The following CIAO2A variants were observed in gnomAD, a reference collection of about 807,000 sequenced individuals.
CIAO2A encodes MIP18 family protein FAM96A.
A neutral mutation model predicts 22.4 loss-of-function variants in CIAO2A; 17 were observed. That is an observed-to-expected ratio of 0.76 (90% CI 0.52 to 1.14). CIAO2A has a LOEUF of 1.14. Among genes scored for constraint, CIAO2A ranks in the 50% most tolerant of loss-of-function variants. The probability of loss-of-function intolerance (pLI) is 0.00; values close to 1 mark genes in which losing one functional copy is unlikely to be tolerated. For synonymous variants in CIAO2A, 74 were observed against 72.3 expected, an observed-to-expected ratio of 1.02 and a Z score of -0.12; for missense variants, 192 against 191.4, an observed-to-expected ratio of 1.00 and a Z score of -0.02.
intron 1 of CIAO2A, among the ~76,000 whole-genome samples, chr15:64,089,541 A>G (rs2080823347): frequency 6.6e-6 from 1 of 152,004 alleles, no homozygotes; most frequent in Non-Finnish European, 1.5e-5. Flanking sequence ...AGGAAAGTAA[A>G]GTAAAGAAGA....
At chr15:64,078,759 G>A (rs1485814924) in intron 3 of CIAO2A, among the ~76,000 whole-genome samples, 3 of 152,118 alleles carry the variant, frequency 2.0e-5, no homozygotes, top group Admixed American at 6.6e-5. Flanking sequence ...AAAGAGCCAC[G>A]GGGCTGGGTG....
chr15:64,093,780 G>A lies in CIAO2A; in HGVS notation c.-12C>T, dbSNP rs774877523. The A allele has an allele frequency of 6.2e-7, 1 of 1,609,122 alleles. No homozygotes were observed. Among genetic ancestry groups the A allele is most frequent in the Admixed American group, 1.7e-5 (1 of 59,746 alleles). On this transcript the variant is annotated 5_prime_UTR_variant, in exon 1 of 5. Transcript: ENST00000300030. ...GACACCCGCTGCATCTTCACGCTCA[G>A]CCATCCCTGGCGACTGTCCCAATCG...
At chr15:64,073,913 ATTAT>A (rs757844973) in intron 4 of CIAO2A, 2 of 152,198 alleles carry the variant, frequency 1.3e-5, no homozygotes, top group Non-Finnish European at 2.9e-5. Context: ...AATAGCTGGT[ATTAT>A]TTAATAAAAA....
At position 64,088,571 on chromosome 15, in the gene CIAO2A, G is replaced by A. The variant is rs1191740281; in HGVS notation, c.289+116C>T. On this transcript the variant is annotated intron_variant, in intron 2 of 4. Coordinates refer to ENST00000300030, the MANE Select transcript of CIAO2A (RefSeq NM_032231.7). ...GAACATACTCTGTAAACCATAAAGT[G>A]TAATACATACACTGTATGGTTTTTC... The A allele has an allele frequency of 5.2e-6, 4 of 770,052 alleles. No homozygotes were observed. The East Asian group carries it at 8.3e-5, about 16-fold the overall frequency. The allele number at this position is 770,052 out of a possible 1,614,324, so 47.7% of individuals were successfully genotyped here.
intron 2 of CIAO2A, among the ~76,000 whole-genome samples, chr15:64,086,675 G>A (rs536559786): frequency 1.5e-4 from 23 of 150,010 alleles, no homozygotes; most frequent in Admixed American, 4.0e-4. Context: ...GTGCAGTGGC[G>A]CAATCTCAGC....
intron 2 of CIAO2A, among the ~76,000 whole-genome samples, chr15:64,085,873 T>A (rs928608870): frequency 1.1e-4 from 16 of 151,840 alleles, no homozygotes; most frequent in Non-Finnish European, 2.1e-4. Flanking sequence ...CACGCCCAGC[T>A]AATTTTTTGC....
At chr15:64,075,416 C>A in intron 4 of CIAO2A, 76 bp downstream of exon 4, 1 of 905,114 alleles carries the variant, frequency 1.1e-6, no homozygotes, top group Non-Finnish European at 1.6e-6. Flanking sequence ...AGATTCTTGG[C>A]TGGCAGAAGA....
chr15:64,077,542 C>T (rs566269108), intron 3 of CIAO2A, among the ~76,000 whole-genome samples: 2 of 152,304 alleles, frequency 1.3e-5, no homozygotes, highest in South Asian at 2.1e-4. Context: ...ATGGGACAAA[C>T]TGAATTTATA....
At chr15:64,074,673 C>T (rs1023504834) in intron 4 of CIAO2A, 1 of 152,082 alleles carries the variant, frequency 6.6e-6, no homozygotes, top group South Asian at 2.1e-4. Flanking sequence ...TAGGCTGTTC[C>T]TCTGGAAGCA....
At chr15:64,081,703 A>T (rs1174922019) in intron 2 of CIAO2A, among the ~76,000 whole-genome samples, 2 of 151,730 alleles carry the variant, frequency 1.3e-5, no homozygotes, top group African/African-American at 4.8e-5. Flanking sequence ...CACCCAGTTA[A>T]TTTTTATATA....
intron 2 of CIAO2A, among the ~76,000 whole-genome samples, chr15:64,085,815 T>C (rs1232911073): frequency 6.6e-6 from 1 of 151,930 alleles, no homozygotes; most frequent in Non-Finnish European, 1.5e-5. Context: ...TTCAAGCGAT[T>C]CTCCTGCCTC....
chr15:64,077,581 A>T (rs1360330057), intron 3 of CIAO2A, among the ~76,000 whole-genome samples: 1 of 152,256 alleles, frequency 6.6e-6, no homozygotes, highest in African/African-American at 2.4e-5. Context: ...ATGAGAACAC[A>T]TTTATTCAGT....
rs1018598775 is a variant in CIAO2A, at chr15:64,072,859, T to A, written c.*72A>T. The A allele has an allele frequency of 2.4e-5, 24 of 982,038 alleles. No individual in the cohort carries two copies. The highest frequency in any genetic ancestry group is 3.9e-5 in the Admixed American group (2 of 50,720). 60.8% of individuals were successfully genotyped at this position (982,038 alleles called of 1,614,324 possible). On this transcript the variant is annotated 3_prime_UTR_variant, in exon 5 of 5. Transcript: ENST00000300030. ...AAATCACCTATGTATTAAACATGAG[T>A]CTCTGACATTATACAAAGAGTTTAA...
At chr15:64,091,514 G>A (rs887471914) in intron 1 of CIAO2A, among the ~76,000 whole-genome samples, 1 of 151,288 alleles carries the variant, frequency 6.6e-6, no homozygotes, top group Non-Finnish European at 1.5e-5. Context: ...GAAAGAAGCA[G>A]AATTGGAAAA....
chr15:64,090,695 G>A (rs1225812102), intron 1 of CIAO2A, among the ~76,000 whole-genome samples: 1 of 152,174 alleles, frequency 6.6e-6, no homozygotes, highest in African/African-American at 2.4e-5. Context: ...TAGAGAGTGC[G>A]TGCGCTGAAG....
At chr15:64,083,548 G>A (rs1170563364) in intron 2 of CIAO2A, among the ~76,000 whole-genome samples, 1 of 152,184 alleles carries the variant, frequency 6.6e-6, no homozygotes, top group East Asian at 1.9e-4. Context: ...CTGCTCTGGA[G>A]GAATATCTGT....
At chr15:64,077,120 G>A (rs898503750) in intron 3 of CIAO2A, among the ~76,000 whole-genome samples, 14 of 152,118 alleles carry the variant, frequency 9.2e-5, no homozygotes, top group African/African-American at 3.4e-4. Flanking sequence ...AGACCATCCT[G>A]GCTAACACAG....
At chr15:64,083,815 G>A (rs191502115) in intron 2 of CIAO2A, among the ~76,000 whole-genome samples, 9 of 151,970 alleles carry the variant, frequency 5.9e-5, no homozygotes, top group African/African-American at 1.9e-4. Flanking sequence ...ATGGTGGCAC[G>A]CGCCTATGAT....
chr15:64,085,422 C>T (rs1158358400), intron 2 of CIAO2A, among the ~76,000 whole-genome samples: 1 of 151,868 alleles, frequency 6.6e-6, no homozygotes, highest in Admixed American at 6.6e-5. Context: ...CACTTGAGCC[C>T]GGGAGGTGGA....
Sources: allele counts gnomAD v4.1 joint callset (sites outside exome capture counted in the v4.1 genomes callset), GRCh38; gene constraint gnomAD v4.1.1; transcripts MANE v1.5; gene names NCBI Gene and HGNC (gene_info 2026-07-23, HGNC 2026-07-21).